Variants in HMGXB4 observed in about 807,000 individuals in gnomAD.
HMGXB4 encodes the protein HMG domain-containing protein 4.
In HMGXB4, 27 loss-of-function variants were observed where a neutral mutation model predicts 63.9. The ratio of observed to expected loss-of-function variants is 0.42; its 90% confidence interval spans 0.31 to 0.58. The LOEUF (loss-of-function observed/expected upper bound fraction) is 0.58. HMGXB4 is among the 20% of genes least tolerant of loss of function. HMGXB4 has a pLI of 0.13. For missense variants in HMGXB4, 624 were observed against 700.7 expected (o/e 0.89, Z 1.24); for synonymous variants, 264 against 265.3 (o/e 0.99, Z 0.05).
rs1925021232 is a variant in HMGXB4, at chr22:35,292,997, G to T, written c.1644G>T (p.Met548Ile). The change falls in exon 10 of 11, where the codon ATG becomes ATT. Residue 548 changes from methionine to isoleucine, a missense_variant. By Grantham distance (10) the Met-to-Ile change is conservative. Transcript: ENST00000216106. The stretch of plus-strand genomic sequence containing the variant: ...CAACCTCCTCTCCTTTTCAGGGTAT[G>T]GTGGCTGTGTCTGGCAGTTTGTCAG... ...IGHRLQETEG[M>I]VAVSGSLSVL... The T allele has an allele frequency of 6.2e-7, 1 of 1,614,124 alleles. No homozygotes were observed. The highest frequency in any genetic ancestry group is 1.1e-5 in the South Asian group (1 of 91,088).
chr22:35,271,444 A>T (rs1285749093), intron 5 of HMGXB4, among the ~76,000 whole-genome samples: 1 of 152,222 alleles, frequency 6.6e-6, no homozygotes, highest in African/African-American at 2.4e-5. Flanking sequence ...TGGGAGAAGA[A>T]GATAAGTTAA....
intron 9 of HMGXB4, among the ~76,000 whole-genome samples, chr22:35,292,054 C>G (rs944764209): frequency 6.6e-6 from 1 of 152,042 alleles, no homozygotes; most frequent in African/African-American, 2.4e-5. Flanking sequence ...GTTATTCTTC[C>G]TTACAGGAAG....
the HMGXB4 span, among the ~76,000 whole-genome samples, chr22:35,252,148 GA>G: frequency 6.6e-6 from 1 of 152,180 alleles, no homozygotes; most frequent in South Asian, 2.1e-4. Context: ...CCAGGAGGTG[GA>G]GGCTGCAGTA....
chr22:35,262,538 A>G, intron 2 of HMGXB4, 117 bp downstream of exon 2: 1 of 1,066,132 alleles, frequency 9.4e-7, no homozygotes. Context: ...GTGATGGTCC[A>G]GAGCACTGTT....
At chr22:35,288,141 G>A in intron 8 of HMGXB4, 97 bp from the exon 9 acceptor site, 1 of 1,061,640 alleles carries the variant, frequency 9.4e-7, no homozygotes, top group Admixed American at 2.9e-5. Context: ...CTAATGCCTG[G>A]TATAATTCAT....
the HMGXB4 span, among the ~76,000 whole-genome samples, chr22:35,244,297 C>CTT: frequency 8.2e-6 from 1 of 122,212 alleles, no homozygotes; most frequent in African/African-American, 3.0e-5. Context: ...TTTCTTTTTT[C>CTT]TTTTTTTTTT....
chr22:35,273,011 G>C (rs748192133), intron 5 of HMGXB4, among the ~76,000 whole-genome samples: 3 of 152,114 alleles, frequency 2.0e-5, no homozygotes, highest in Non-Finnish European at 4.4e-5. Context: ...TCCAAAATAT[G>C]CACATTTTCT....
chr22:35,286,263 T>C (rs1032311655), intron 7 of HMGXB4, among the ~76,000 whole-genome samples: 4 of 152,226 alleles, frequency 2.6e-5, no homozygotes, highest in Non-Finnish European at 5.9e-5. Context: ...AAGGCTGTCT[T>C]TTCTAACCTG....
intron 5 of HMGXB4, among the ~76,000 whole-genome samples, chr22:35,271,725 T>C (rs1923617913): frequency 6.6e-6 from 1 of 152,234 alleles, no homozygotes; most frequent in African/African-American, 2.4e-5. Context: ...ACGCTTGATA[T>C]TTTAAATACA....
At chr22:35,252,640 T>C (rs763077125), upstream of HMGXB4, among the ~76,000 whole-genome samples, 1 of 152,262 alleles carries the variant, frequency 6.6e-6, no homozygotes. Flanking sequence ...AATAGGAGCT[T>C]TCTAGCTGCA....
intron 5 of HMGXB4, among the ~76,000 whole-genome samples, chr22:35,279,746 A>G (rs1428518281): frequency 1.6e-5 from 2 of 126,318 alleles, no homozygotes; most frequent in Admixed American, 9.3e-5. Flanking sequence ...TGAAAATACT[A>G]TCTTTTCTTC....
chr22:35,243,552 A>T, the HMGXB4 span, among the ~76,000 whole-genome samples: 1 of 150,878 alleles, frequency 6.6e-6, no homozygotes, highest in Non-Finnish European at 1.5e-5. Context: ...TGTTGTTGTT[A>T]TTGAGACAGG....
chr22:35,282,246 G>A (rs564676199), intron 5 of HMGXB4, among the ~76,000 whole-genome samples: 5 of 152,182 alleles, frequency 3.3e-5, no homozygotes, highest in East Asian at 1.9e-4. Flanking sequence ...GTGCAATCTC[G>A]GCTTACTGCA....
intron 9 of HMGXB4, among the ~76,000 whole-genome samples, chr22:35,290,742 T>C (rs766673519): frequency 2.6e-5 from 4 of 152,112 alleles, no homozygotes; most frequent in Non-Finnish European, 5.9e-5. Flanking sequence ...ATCTCTGCAA[T>C]TTTATAATTT....
the HMGXB4 span, among the ~76,000 whole-genome samples, chr22:35,247,359 G>A: frequency 1.3e-5 from 2 of 152,254 alleles, no homozygotes; most frequent in African/African-American, 2.4e-5. Context: ...AGCACTCCAC[G>A]AGCTACAGAG....
chr22:35,276,111 TAA>T (rs924667462), intron 5 of HMGXB4, among the ~76,000 whole-genome samples: 4 of 152,206 alleles, frequency 2.6e-5, no homozygotes, highest in Non-Finnish European at 5.9e-5. Context: ...TTTTAACCCT[TAA>T]GTTTGAAATC....
chr22:35,288,492 T>C (rs1924730972), intron 9 of HMGXB4, 85 bp downstream of exon 9: 6 of 1,060,800 alleles, frequency 5.7e-6, no homozygotes, highest in Admixed American at 6.4e-5. Flanking sequence ...TTTACATACA[T>C]GTATTGAGCA....
intron 5 of HMGXB4, among the ~76,000 whole-genome samples, chr22:35,268,781 C>T (rs535821292): frequency 6.6e-6 from 1 of 152,208 alleles, no homozygotes; most frequent in Non-Finnish European, 1.5e-5. Flanking sequence ...TCTTATTAGT[C>T]TATTAAACAT....
chr22:35,253,354 T>C (rs1922268971), upstream of HMGXB4, among the ~76,000 whole-genome samples: 1 of 152,146 alleles, frequency 6.6e-6, no homozygotes, highest in African/African-American at 2.4e-5. Context: ...GGACTTAGAC[T>C]TGTTTTACAT....
Sources: allele counts gnomAD v4.1 joint callset (sites outside exome capture counted in the v4.1 genomes callset), GRCh38; gene constraint gnomAD v4.1.1; transcripts MANE v1.5; gene names NCBI Gene and HGNC (gene_info 2026-07-23, HGNC 2026-07-21).